Variants in MBNL2 observed in about 807,000 individuals in gnomAD.
MBNL2 encodes muscleblind-like protein 2.
A neutral mutation model predicts 41.9 loss-of-function variants in MBNL2; 17 were observed. The observed-to-expected ratio is 0.41, with a 90% confidence interval of 0.28 to 0.61. The LOEUF (loss-of-function observed/expected upper bound fraction) is 0.61, where lower values mean the gene tolerates loss of function less well. Among genes scored for constraint, MBNL2 ranks in the 20% least tolerant of loss-of-function variants. The pLI is 0.35. For missense variants in MBNL2, 336 were observed against 505.6 expected (o/e 0.66, Z 3.22); for synonymous variants, 195 against 182.9 (o/e 1.07, Z -0.53).
intron 7 of MBNL2, chr13:97,362,851 A>C (rs1180423226): frequency 6.6e-6 from 1 of 152,350 alleles, no homozygotes; most frequent in African/African-American, 2.4e-5. Context: ...TGAACAGATG[A>C]ATGCAAGCTG....
At chr13:97,211,892 C>T in the MBNL2 span, among the ~76,000 whole-genome samples, 1 of 152,082 alleles carries the variant, frequency 6.6e-6, no homozygotes, top group Non-Finnish European at 1.5e-5. Flanking sequence ...AGACTATATG[C>T]CGAGATCTAA....
At chr13:97,194,916 A>G in the MBNL2 span, among the ~76,000 whole-genome samples, 1 of 152,212 alleles carries the variant, frequency 6.6e-6, no homozygotes, top group Non-Finnish European at 1.5e-5. Context: ...CAGAAAACTC[A>G]TCAATAATCT....
Position 97,391,954 on chromosome 13 carries a change from A to C in MBNL2, c.*505A>C, listed in dbSNP as rs1044293655. ...CAAGCACAAGTACTGGGGACACATC[A>C]AAGTGTGGTGTTTGGTTTGCCTGGA... On this transcript the variant is annotated 3_prime_UTR_variant, in exon 9 of 9. Coordinates refer to ENST00000679496, the MANE Select transcript of MBNL2 (RefSeq NM_001382683.1). The C allele has an allele frequency of 1.3e-5, 2 of 153,460 alleles. No individual in the cohort carries two copies. Among genetic ancestry groups the C allele is most frequent in the Non-Finnish European group, 2.9e-5 (2 of 68,718 alleles). 9.5% of individuals were successfully genotyped at this position (153,460 alleles called of 1,614,324 possible). A position where few individuals can be genotyped will look rare whatever the true frequency, so the allele number is the denominator to read the frequency against.
At chr13:97,316,586 G>A (rs1390097798) in intron 2 of MBNL2, among the ~76,000 whole-genome samples, 1 of 152,204 alleles carries the variant, frequency 6.6e-6, no homozygotes, top group Non-Finnish European at 1.5e-5. Context: ...AGATGCACCA[G>A]GCATGCGTCC....
chr13:97,143,229 C>T, the MBNL2 span, among the ~76,000 whole-genome samples: 2 of 152,182 alleles, frequency 1.3e-5, no homozygotes, highest in Non-Finnish European at 2.9e-5. Context: ...ATTTGAAAAC[C>T]TTCCCTATGT....
chr13:97,207,343 C>G, the MBNL2 span, among the ~76,000 whole-genome samples: 6 of 152,154 alleles, frequency 3.9e-5, no homozygotes, highest in Non-Finnish European at 8.8e-5. Flanking sequence ...TAAAGACATA[C>G]CCAAGACTGG....
rs55745808 is a variant in MBNL2, at chr13:97,363,418, C to CTGTGTGTGTG, written c.1013-1681_1013-1672dup. 8.0e-3 allele frequency among the ~76,000 whole-genome samples: 1,091 copies of CTGTGTGTGTG among 136,686 alleles called. 7 individuals are homozygous for CTGTGTGTGTG. The highest frequency in any genetic ancestry group is 0.017 in the African/African-American group (612 of 35,366). 89.7% of individuals were successfully genotyped at this position (136,686 alleles called of 152,430 possible). ...CAAAGGGAGTTGCCAGAAAGAAAAA[C>CTGTGTGTGTG]TGTGTGTGTGTGTGTGTGTGTGTGT... On this transcript the variant is annotated intron_variant, in intron 7 of 8. Coordinates refer to ENST00000679496, the MANE Select transcript of MBNL2 (RefSeq NM_001382683.1).
chr13:97,319,166 C>A (rs549500989), intron 2 of MBNL2, among the ~76,000 whole-genome samples: 1 of 152,262 alleles, frequency 6.6e-6, no homozygotes, highest in South Asian at 2.1e-4. Flanking sequence ...AGACCTTGAA[C>A]TTGGAGGCAA....
chr13:97,194,345 CTTG>C, the MBNL2 span, among the ~76,000 whole-genome samples: 1 of 152,168 alleles, frequency 6.6e-6, no homozygotes, highest in Non-Finnish European at 1.5e-5. Context: ...TCCTTAAATA[CTTG>C]TTAAGTGGCC....
chr13:97,316,663 A>T (rs963280441), intron 2 of MBNL2, among the ~76,000 whole-genome samples: 1 of 152,040 alleles, frequency 6.6e-6, no homozygotes, highest in Non-Finnish European at 1.5e-5. Context: ...CAGGCAGGAC[A>T]ACTCCCCACC....
At position 97,334,967 on chromosome 13, in the gene MBNL2, G is replaced by C. The variant is rs143837331; in HGVS notation, c.339+527G>C. Among the ~76,000 whole-genome samples, 68 of 152,318 alleles carry C rather than the reference G, an allele frequency of 4.5e-4. No individual in the cohort carries two copies. The highest frequency in any genetic ancestry group is 1.6e-3 in the African/African-American group (65 of 41,554). On this transcript the variant is annotated intron_variant, in intron 3 of 8. Coordinates refer to ENST00000679496, the MANE Select transcript of MBNL2 (RefSeq NM_001382683.1). This position sits in a 1 kb window ranked among gnomAD's most constrained non-coding sequence, Gnocchi z 5.3. ...TGCAGTGTGTTCCAGGAAGATCCTA[G>C]TAACAGCCCCCAAAGAAGGATGTCA... is the stretch of plus-strand genomic sequence containing the variant.
At chr13:97,347,626 A>G (rs1477937982) in intron 5 of MBNL2, among the ~76,000 whole-genome samples, 1 of 152,254 alleles carries the variant, frequency 6.6e-6, no homozygotes, top group Non-Finnish European at 1.5e-5. Context: ...ATAGCAATGC[A>G]TGAAACAGAT....
At chr13:97,386,284 G>A (rs953526530) in intron 8 of MBNL2, among the ~76,000 whole-genome samples, 1 of 152,212 alleles carries the variant, frequency 6.6e-6, no homozygotes. Flanking sequence ...TTGCCTTCAA[G>A]AAAGTAAAGC....
chr13:97,368,997 AATG>A (rs142293130), intron 8 of MBNL2, among the ~76,000 whole-genome samples: 29,372 of 152,064 alleles, frequency 0.19, 3,366 homozygotes, highest in Non-Finnish European at 0.27. Flanking sequence ...ATTGCACTTA[AATG>A]ATGAAGAAGA....
At chr13:97,349,088 C>CTTTAGTGTCCT (rs879429497) in intron 5 of MBNL2, among the ~76,000 whole-genome samples, 3 of 152,150 alleles carry the variant, frequency 2.0e-5, no homozygotes, top group Non-Finnish European at 4.4e-5. Flanking sequence ...TTTCTTGTCC[C>CTTTAGTGTCCT]TTTAGTGTCC....
At chr13:97,323,516 GT>G (rs1485955261) in intron 2 of MBNL2, among the ~76,000 whole-genome samples, 1 of 152,164 alleles carries the variant, frequency 6.6e-6, no homozygotes, top group Non-Finnish European at 1.5e-5. Context: ...TTTGTATTAG[GT>G]GTTATAAGTA....
intron 8 of MBNL2, among the ~76,000 whole-genome samples, chr13:97,381,046 G>A (rs1378459540): frequency 6.6e-6 from 1 of 151,678 alleles, no homozygotes; most frequent in African/African-American, 2.4e-5. Context: ...ACACACAATT[G>A]AGTGGTTTTT....
chr13:97,278,933 A>T (rs2052759631), intron 2 of MBNL2, among the ~76,000 whole-genome samples: 1 of 152,172 alleles, frequency 6.6e-6, no homozygotes, highest in Non-Finnish European at 1.5e-5. Flanking sequence ...TGTGTCATTT[A>T]TGACTTCTTG....
chr13:97,193,191 A>T, the MBNL2 span, among the ~76,000 whole-genome samples: 6 of 152,236 alleles, frequency 3.9e-5, no homozygotes, highest in Non-Finnish European at 7.3e-5. Context: ...CCAGCAGGTG[A>T]GAAAGGAACA....
Sources: gnomAD v4.1 joint callset for allele counts (sites outside exome capture counted in the v4.1 genomes callset) on GRCh38, gnomAD v4.1.1 for gene constraint, Gnocchi (gnomAD v3.1) non-coding constraint, MANE v1.5 for transcripts, NCBI Gene and HGNC (gene_info 2026-07-23, HGNC 2026-07-21) for gene names.